CENPC: variants seen among roughly 807,000 people sequenced by gnomAD.
CENPC encodes CENP-C 1.
CENPC carries 63 observed loss-of-function variants against 112.1 expected under a neutral mutation model. The observed-to-expected ratio is 0.56, with a 90% CI of 0.46 to 0.69. The LOEUF (loss-of-function observed/expected upper bound fraction) is 0.69, where lower values mean the gene tolerates loss of function less well. Among genes scored for constraint, CENPC ranks in the 30% least tolerant of loss-of-function variants. The pLI, the probability that CENPC is intolerant of heterozygous loss-of-function variation, is 0.00. For synonymous variants in CENPC, 333 were observed against 367.6 expected (o/e 0.91, Z 1.08); for missense variants, 1,000 against 1,103.8 (o/e 0.91, Z 1.33).
chr4:67,498,173 T>C (rs13130588), intron 12 of CENPC, among the ~76,000 whole-genome samples: 34,118 of 151,646 alleles, frequency 0.22, 4,398 homozygotes, highest in Middle Eastern at 0.37. Flanking sequence ...GGTAAAAGGT[T>C]TCAGTGAGCC....
intron 17 of CENPC, among the ~76,000 whole-genome samples, chr4:67,478,689 T>C (rs1724874322): frequency 6.7e-6 from 1 of 149,118 alleles, no homozygotes; most frequent in Non-Finnish European, 1.5e-5. Context: ...AGGCAACAAC[T>C]AGCACAATGA....
chr4:67,501,032 G>A (rs538647546), intron 12 of CENPC, among the ~76,000 whole-genome samples: 73 of 152,306 alleles, frequency 4.8e-4, no homozygotes, highest in South Asian at 3.1e-3. Context: ...TGTCAGCAGG[G>A]CATGGTGGCT....
chr4:67,482,119 A>G (rs986378201), intron 17 of CENPC, among the ~76,000 whole-genome samples: 6 of 152,214 alleles, frequency 3.9e-5, no homozygotes, highest in African/African-American at 1.4e-4. Context: ...ATGAATAGAC[A>G]ATTCTCAAAA....
intron 10 of CENPC, among the ~76,000 whole-genome samples, chr4:67,508,480 C>G (rs1480266520): frequency 7.1e-6 from 1 of 139,862 alleles, no homozygotes; most frequent in Non-Finnish European, 1.5e-5. Context: ...CCACTGCACT[C>G]CAGCCTGGGA....
chr4:67,519,805 T>C (rs1726171205), intron 5 of CENPC, among the ~76,000 whole-genome samples: 2 of 152,178 alleles, frequency 1.3e-5, no homozygotes, highest in Non-Finnish European at 1.5e-5. Context: ...ACATACACAG[T>C]ATATATGTAT....
At chr4:67,472,714 T>C in intron 18 of CENPC, 39 bp from the exon 19 acceptor site, 1 of 1,449,096 alleles carries the variant, frequency 6.9e-7, no homozygotes, top group Non-Finnish European at 9.1e-7. Flanking sequence ...ATTATTTACA[T>C]ATGAATCATT....
rs60430771 is a variant in CENPC at position 67,485,469 on chromosome 4, A to ACC, written c.2670+4496_2670+4497dup. ...TGAAAATTCACACTCTGGAATCTTA[A>ACC]CCCCCCCAATGTGATGGGATCAGGA... is the stretch of plus-strand genomic sequence containing the variant. On this transcript the variant is annotated intron_variant, in intron 17 of 18. Coordinates refer to ENST00000273853, the MANE Select transcript of CENPC (RefSeq NM_001812.4). Among the ~76,000 whole-genome samples, 295 of 151,680 alleles carry ACC rather than the reference A, an allele frequency of 1.9e-3. 2 individuals are homozygous for ACC. Among genetic ancestry groups the ACC allele is most frequent in the African/African-American group, 4.5e-3 (186 of 41,324 alleles).
At chr4:67,524,034 C>A (rs1726303606) in intron 5 of CENPC, among the ~76,000 whole-genome samples, 1 of 151,528 alleles carries the variant, frequency 6.6e-6, no homozygotes, top group Non-Finnish European at 1.5e-5. Context: ...TAAACCCAAT[C>A]AAGCAGAAGG....
At chr4:67,527,421 T>TAGCTAAC (rs1726415183) in intron 5 of CENPC, among the ~76,000 whole-genome samples, 1 of 150,890 alleles carries the variant, frequency 6.6e-6, no homozygotes, top group Non-Finnish European at 1.5e-5. Flanking sequence ...TAAAAACTTA[T>TAGCTAAC]AGCTAACATC....
intron 1 of CENPC, among the ~76,000 whole-genome samples, chr4:67,545,105 G>A (rs997844735): frequency 1.3e-5 from 2 of 152,080 alleles, no homozygotes; most frequent in African/African-American, 4.8e-5. Flanking sequence ...AGAGTAAGAC[G>A]TAGGCACAGA....
rs200573579 is a variant in CENPC, at chr4:67,489,221, CAT to C, written c.2670+744_2670+745del. 2.3e-3 allele frequency among the ~76,000 whole-genome samples: 326 copies of C among 139,912 alleles called. No homozygotes were observed. The South Asian group carries it at 0.023, about 10-fold the overall frequency. The allele number at this position is 139,912 out of a possible 152,430, so 91.8% of individuals were successfully genotyped here. A position where few individuals can be genotyped will look rare whatever the true frequency, so the allele number is the denominator to read the frequency against. On this transcript the variant is annotated intron_variant, in intron 17 of 18. Transcript: ENST00000273853. ...ATACACACACACACACACACACACA[CAT>C]ACACACATATAAAACAGACCAATGT...
At chr4:67,514,922 C>A (rs970842498) in intron 7 of CENPC, among the ~76,000 whole-genome samples, 5 of 150,992 alleles carry the variant, frequency 3.3e-5, no homozygotes, top group Admixed American at 1.3e-4. Flanking sequence ...TAGACATCAA[C>A]AAATTTGATC....
At chr4:67,527,628 G>A (rs192349161) in intron 5 of CENPC, among the ~76,000 whole-genome samples, 1 of 149,260 alleles carries the variant, frequency 6.7e-6, no homozygotes, top group Admixed American at 6.8e-5. Flanking sequence ...AGTCTCCCAA[G>A]TAGGCAGGAC....
intron 4 of CENPC, among the ~76,000 whole-genome samples, chr4:67,532,632 C>T (rs555217367): frequency 6.6e-6 from 1 of 152,022 alleles, no homozygotes; most frequent in African/African-American, 2.4e-5. Flanking sequence ...TCATTCTGAG[C>T]AAACTATTGC....
At chr4:67,474,192 G>A (rs1724744015) in intron 18 of CENPC, among the ~76,000 whole-genome samples, 1 of 152,006 alleles carries the variant, frequency 6.6e-6, no homozygotes, top group Non-Finnish European at 1.5e-5. Context: ...AGCCTCCAGA[G>A]TAGCTGGGAC....
chr4:67,499,727 T>C (rs563427639), intron 12 of CENPC, among the ~76,000 whole-genome samples: 2 of 152,348 alleles, frequency 1.3e-5, no homozygotes, highest in African/African-American at 4.8e-5. Flanking sequence ...ACTTTTCCTT[T>C]GCATTCACAA....
chr4:67,536,011 C>A (rs1726708319), intron 4 of CENPC, among the ~76,000 whole-genome samples: 1 of 152,022 alleles, frequency 6.6e-6, no homozygotes, highest in Non-Finnish European at 1.5e-5. Context: ...CTTTAAAAAT[C>A]AATCTTCCAA....
At chr4:67,526,188 G>A (rs1242928804) in intron 5 of CENPC, among the ~76,000 whole-genome samples, 1 of 151,998 alleles carries the variant, frequency 6.6e-6, no homozygotes, top group Non-Finnish European at 1.5e-5. Flanking sequence ...GGAAAGGGAA[G>A]GGAGAGCATT....
At chr4:67,527,503 T>G (rs1412572441) in intron 5 of CENPC, among the ~76,000 whole-genome samples, 2 of 138,674 alleles carry the variant, frequency 1.4e-5, no homozygotes, top group African/African-American at 5.4e-5. Context: ...CTTTTTTTTT[T>G]TTTTTTTTTT....
Sources: allele counts gnomAD v4.1 joint callset (sites outside exome capture counted in the v4.1 genomes callset), GRCh38; gene constraint gnomAD v4.1.1; transcripts MANE v1.5; gene names NCBI Gene and HGNC (gene_info 2026-07-23, HGNC 2026-07-21).